The following DOCK2 variants were observed in gnomAD, a reference collection of about 807,000 sequenced individuals.
DOCK2 encodes dedicator of cytokinesis 2, also known as dedicator of cytokinesis protein 2.
In DOCK2, 87 loss-of-function variants were observed where a neutral mutation model predicts 248.9. The observed-to-expected ratio is 0.35, with a 90% CI of 0.29 to 0.42. The LOEUF is 0.42. Ranked by LOEUF, DOCK2 falls within the 10% of genes least tolerant of loss-of-function variation. The probability of loss-of-function intolerance (pLI) is 1.00; values close to 1 mark genes in which losing one functional copy is unlikely to be tolerated. For synonymous variants in DOCK2, 805 were observed against 821.6 expected (o/e 0.98, Z 0.35); for missense variants, 1,747 against 2,300.2 (o/e 0.76, Z 4.92).
chr5:170,002,896 A>G (rs1754889088), intron 30 of DOCK2, among the ~76,000 whole-genome samples: 1 of 152,230 alleles, frequency 6.6e-6, no homozygotes. Flanking sequence ...CTAGGCACTT[A>G]GTAGAAATAT....
At chr5:169,950,524 C>G (rs1164560671) in intron 27 of DOCK2, among the ~76,000 whole-genome samples, 1 of 152,032 alleles carries the variant, frequency 6.6e-6, no homozygotes, top group Non-Finnish European at 1.5e-5. Context: ...ACAACATGGC[C>G]CCTCTCTTGT....
intron 26 of DOCK2, among the ~76,000 whole-genome samples, chr5:169,818,842 G>A (rs759264623): frequency 3.3e-5 from 5 of 152,164 alleles, no homozygotes; most frequent in Non-Finnish European, 5.9e-5. Context: ...AATTTCAGGT[G>A]AGTGAATATA....
At chr5:169,697,295 A>G (rs1345254277) in intron 10 of DOCK2, among the ~76,000 whole-genome samples, 1 of 152,070 alleles carries the variant, frequency 6.6e-6, no homozygotes, top group Non-Finnish European at 1.5e-5. Flanking sequence ...CTCAGCCCCT[A>G]TGTCTTCATG....
At chr5:169,756,168 G>T (rs941022352) in intron 23 of DOCK2, among the ~76,000 whole-genome samples, 1 of 152,238 alleles carries the variant, frequency 6.6e-6, no homozygotes. Context: ...TGGAGTGGGA[G>T]GCTGGGAAGA....
chr5:170,046,582 T>C (rs1756720097), intron 39 of DOCK2, among the ~76,000 whole-genome samples: 1 of 152,158 alleles, frequency 6.6e-6, no homozygotes, highest in African/African-American at 2.4e-5. Flanking sequence ...AGAGGATTGA[T>C]AGCTTTTGGT....
At chr5:169,728,971 A>C (rs77594147) in intron 22 of DOCK2, among the ~76,000 whole-genome samples, 5 of 152,010 alleles carry the variant, frequency 3.3e-5, no homozygotes, top group African/African-American at 1.2e-4. Context: ...ATGGTAAACT[A>C]TTTCCTCTGA....
At chr5:170,052,708 A>G (rs1424796796) in intron 41 of DOCK2, among the ~76,000 whole-genome samples, 1 of 152,218 alleles carries the variant, frequency 6.6e-6, no homozygotes, top group East Asian at 1.9e-4. Flanking sequence ...CTTTTTAAAA[A>G]GATTGATGAA....
chr5:169,899,908 A>G (rs1053484286), intron 27 of DOCK2, among the ~76,000 whole-genome samples: 2 of 152,180 alleles, frequency 1.3e-5, no homozygotes, highest in South Asian at 4.1e-4. Context: ...ATCTGCCCTA[A>G]TCATGTATTA....
intron 6 of DOCK2, among the ~76,000 whole-genome samples, chr5:169,681,099 C>T (rs1361500408): frequency 3.3e-5 from 4 of 122,174 alleles, no homozygotes; most frequent in Admixed American, 8.2e-5. Flanking sequence ...TTAGCCATTT[C>T]TCTTTTAGTA....
intron 13 of DOCK2, 162 bp from the exon 14 acceptor site, chr5:169,702,141 C>A: frequency 1.3e-6 from 1 of 744,640 alleles, no homozygotes; most frequent in Non-Finnish European, 2.0e-6. Context: ...ACTTCTCCAG[C>A]CTCCCTGATG....
At chr5:169,713,936 C>T in intron 17 of DOCK2, 92 bp from the exon 18 acceptor site, 1 of 1,394,798 alleles carries the variant, frequency 7.2e-7, no homozygotes, top group Admixed American at 2.4e-5. Flanking sequence ...TGACTCTCCC[C>T]ACTTCACAGT....
At chr5:169,864,139 T>C in intron 27 of DOCK2, 1 of 769,352 alleles carries the variant, frequency 1.3e-6, no homozygotes, top group Non-Finnish European at 2.1e-6. Context: ...GCTCCAAGGC[T>C]CTTCTGTTTC....
At chr5:169,637,774 A>T (rs1756910758) in intron 1 of DOCK2, among the ~76,000 whole-genome samples, 1 of 151,098 alleles carries the variant, frequency 6.6e-6, no homozygotes, top group Admixed American at 6.6e-5. Flanking sequence ...GCATACTTCC[A>T]CCCCCTCCAA....
intron 27 of DOCK2, among the ~76,000 whole-genome samples, chr5:169,909,093 G>A (rs964943078): frequency 6.6e-6 from 1 of 152,152 alleles, no homozygotes; most frequent in Non-Finnish European, 1.5e-5. Flanking sequence ...GCTGATGTGA[G>A]GAGAGTCTGT....
At chr5:169,866,941 A>C (rs1227292520) in intron 27 of DOCK2, among the ~76,000 whole-genome samples, 2 of 152,180 alleles carry the variant, frequency 1.3e-5, no homozygotes, top group Admixed American at 1.3e-4. Flanking sequence ...ATCAGATTCC[A>C]TAGATTGGGG....
At chr5:169,730,750 T>G (rs1189125585) in intron 22 of DOCK2, among the ~76,000 whole-genome samples, 3 of 152,226 alleles carry the variant, frequency 2.0e-5, no homozygotes, top group Non-Finnish European at 4.4e-5. Context: ...CCCTTAAGCA[T>G]TTTTGTTCTA....
intron 33 of DOCK2, 62 bp downstream of exon 33, chr5:170,019,170 T>A: frequency 6.2e-7 from 1 of 1,608,972 alleles, no homozygotes; most frequent in South Asian, 1.1e-5. Context: ...TTCCCCATAA[T>A]GATATCCTCA....
chr5:169,942,064 G>C (rs375816809), intron 27 of DOCK2, among the ~76,000 whole-genome samples: 1 of 152,346 alleles, frequency 6.6e-6, no homozygotes, highest in African/African-American at 2.4e-5. Flanking sequence ...TTCGACATGA[G>C]AAGGATGTGG....
intron 27 of DOCK2, among the ~76,000 whole-genome samples, chr5:169,912,605 G>A (rs1303940296): frequency 7.1e-6 from 1 of 140,262 alleles, no homozygotes; most frequent in Non-Finnish European, 1.5e-5. Flanking sequence ...ATGTGCCACT[G>A]TGTGTGGTGG....
Sources: allele counts gnomAD v4.1 joint callset (sites outside exome capture counted in the v4.1 genomes callset), GRCh38; gene constraint gnomAD v4.1.1; transcripts MANE v1.5; gene names NCBI Gene and HGNC (gene_info 2026-07-23, HGNC 2026-07-21).